The following LAYN variants were observed in gnomAD, a reference collection of about 807,000 sequenced individuals.
The protein encoded by LAYN is layilin.
A neutral mutation model predicts 43.6 loss-of-function variants in LAYN; 38 were observed. The observed-to-expected ratio is 0.87, with a 90% CI of 0.67 to 1.14. LAYN has a LOEUF of 1.14. Ranked by LOEUF, LAYN falls within the 50% of genes most tolerant of loss-of-function variation. The pLI, the probability that LAYN is intolerant of heterozygous loss-of-function variation, is 0.00. For synonymous variants in LAYN, 168 were observed against 172.9 expected (o/e 0.97, Z 0.22); for missense variants, 479 against 463.8 (o/e 1.03, Z -0.30).
Position 111,553,619 on chromosome 11 carries a change from A to AT in LAYN, c.542-941dup, listed in dbSNP as rs1867780536. ...GGGTGACAGAGCAAGACTCTCTCACATAAAAAAAAAAAAAAACAACACTTA... is the reference window on the plus strand; with the variant it reads ...GGGTGACAGAGCAAGACTCTCTCACATTAAAAAAAAAAAAAAACAACACTTA... On this transcript the variant is annotated intron_variant, in intron 3 of 6. Transcript: ENST00000375614. Among the ~76,000 whole-genome samples the AT allele has an allele frequency of 1.7e-5, 2 of 115,050 alleles. 1 individual carries two copies. The highest frequency in any genetic ancestry group is 5.2e-4 in the South Asian group (2 of 3,830). 75.5% of individuals were successfully genotyped at this position (115,050 alleles called of 152,430 possible). A position where few individuals can be genotyped will look rare whatever the true frequency, so the allele number is the denominator to read the frequency against.
chr11:111,546,216 T>G (rs1174230621), intron 2 of LAYN, among the ~76,000 whole-genome samples: 1 of 152,172 alleles, frequency 6.6e-6, no homozygotes, highest in Non-Finnish European at 1.5e-5. Flanking sequence ...GTTGCATATT[T>G]TATGTTCACT....
chr11:111,542,285 C>A (rs1213515050), intron 1 of LAYN, among the ~76,000 whole-genome samples: 1 of 152,198 alleles, frequency 6.6e-6, no homozygotes, highest in Non-Finnish European at 1.5e-5. Flanking sequence ...GCTTTTGAAC[C>A]CTCCTAATGT....
chr11:111,541,630 C>T (rs1315213831), intron 1 of LAYN: 66 of 1,513,718 alleles, frequency 4.4e-5, no homozygotes, highest in Non-Finnish European at 5.4e-5. Flanking sequence ...TTCTGCATGT[C>T]GGGGGGAGAA....
At chr11:111,549,484 T>A in intron 2 of LAYN, 134 bp from the exon 3 acceptor site, 1 of 668,230 alleles carries the variant, frequency 1.5e-6, no homozygotes, top group Non-Finnish European at 2.3e-6. Context: ...CTTCAATTCC[T>A]ACCTCTCTCT....
At chr11:111,559,195 A>G (rs1191619935) in intron 6 of LAYN, among the ~76,000 whole-genome samples, 4 of 152,208 alleles carry the variant, frequency 2.6e-5, no homozygotes, top group Non-Finnish European at 4.4e-5. Flanking sequence ...TGTGATTAGT[A>G]ATACATGTAC....
At chr11:111,545,070 A>ATATG (rs1473989909) in intron 2 of LAYN, among the ~76,000 whole-genome samples, 9 of 149,832 alleles carry the variant, frequency 6.0e-5, no homozygotes, top group Non-Finnish European at 1.3e-4. Context: ...ATATATATAT[A>ATATG]TATATTTTTT....
intron 3 of LAYN, among the ~76,000 whole-genome samples, chr11:111,551,730 A>C (rs993640995): frequency 1.3e-5 from 2 of 152,164 alleles, no homozygotes; most frequent in Non-Finnish European, 2.9e-5. Flanking sequence ...CTTCTCTCCT[A>C]ACAGCTAAGT....
intron 4 of LAYN, 72 bp downstream of exon 4, chr11:111,554,665 A>G (rs1359155405): frequency 1.4e-5 from 19 of 1,330,590 alleles, no homozygotes; most frequent in Admixed American, 3.5e-5. Context: ...TTAAAGCCCT[A>G]TGTCCTTTGG....
At chr11:111,549,803 G>C (rs1867711439) in intron 3 of LAYN, 28 bp downstream of exon 3, 1 of 1,580,978 alleles carries the variant, frequency 6.3e-7, no homozygotes, top group South Asian at 1.2e-5. Context: ...AAGCTATGCG[G>C]CTGAATTCTC....
Position 111,553,753 on chromosome 11 carries a change from CTT to C in LAYN, c.542-807_542-806del, listed in dbSNP as rs1431149153. Among the ~76,000 whole-genome samples, 688 of 149,024 alleles carry C rather than the reference CTT, an allele frequency of 4.6e-3. 9 individuals are homozygous for C. The highest frequency in any genetic ancestry group is 0.016 in the African/African-American group (625 of 39,696). On this transcript the variant is annotated intron_variant, in intron 3 of 6. Transcript: ENST00000375614. ...ACACACACACACACACACACACACACTTATGGGAAGATGACTAAAAGTTTTTG... is the reference window on the plus strand; with the variant it reads ...ACACACACACACACACACACACACACATGGGAAGATGACTAAAAGTTTTTG...
rs1867941196 is a variant in LAYN, at chr11:111,560,680, C to T, written c.*222C>T. ...TCGACCTTATGAGAAGGTACCTTGCCCAGGTCTGGCACATAGTAGAGTCTC... is the reference window on the plus strand; with the variant it reads ...TCGACCTTATGAGAAGGTACCTTGCTCAGGTCTGGCACATAGTAGAGTCTC... On this transcript the variant is annotated 3_prime_UTR_variant, in exon 7 of 7. Transcript: ENST00000375614. 3.7e-6 allele frequency: 2 copies of T among 538,870 alleles called. No individual in the cohort carries two copies. The highest frequency in any genetic ancestry group is 3.3e-6 in the Non-Finnish European group (1 of 303,298). The allele number at this position is 538,870 out of a possible 1,614,324, so 33.4% of individuals were successfully genotyped here.
At chr11:111,542,183 T>C (rs73013180) in intron 1 of LAYN, among the ~76,000 whole-genome samples, 112 of 152,364 alleles carry the variant, frequency 7.4e-4, no homozygotes, top group Non-Finnish European at 1.4e-3. Flanking sequence ...GGAGCCAGCT[T>C]TGAGGAATCG....
chr11:111,541,008 C>T (rs941072650), intron 1 of LAYN, 80 bp downstream of exon 1: 29 of 1,356,182 alleles, frequency 2.1e-5, no homozygotes, highest in Non-Finnish European at 2.7e-5. Context: ...TCTTCTGGGT[C>T]GCCACGTATG....
At chr11:111,557,398 T>TTTG (rs1265622435) in intron 5 of LAYN, 143 bp from the exon 6 acceptor site, 1 of 690,820 alleles carries the variant, frequency 1.4e-6, no homozygotes, top group Non-Finnish European at 2.5e-6. Context: ...TTTCCTTTGT[T>TTTG]TTGTTTTTTA....
chr11:111,553,070 G>A (rs1337728850), intron 3 of LAYN, among the ~76,000 whole-genome samples: 2 of 151,676 alleles, frequency 1.3e-5, no homozygotes, highest in South Asian at 2.1e-4. Context: ...GTGAAACCCC[G>A]TCTCTACTAA....
At chr11:111,553,200 G>A (rs949098877) in intron 3 of LAYN, among the ~76,000 whole-genome samples, 3 of 152,008 alleles carry the variant, frequency 2.0e-5, no homozygotes, top group Admixed American at 2.0e-4. Context: ...CCGAGATCGC[G>A]CCACTGGACT....
Position 111,557,619 on chromosome 11 carries a change from G to GT in LAYN, c.739dup (p.Trp247LeufsTer6), listed in dbSNP as rs773924993. 1.2e-6 allele frequency: 2 copies of GT among 1,614,060 alleles called. No individual in the cohort carries two copies. Among genetic ancestry groups the GT allele is most frequent in the Non-Finnish European group, 1.7e-6 (2 of 1,179,922 alleles). On this transcript the variant is annotated frameshift_variant, in exon 6 of 7. Transcript: ENST00000375614. LOFTEE classifies it high-confidence loss of function. The stretch of plus-strand genomic sequence containing the variant: ...CTCCTTGTGGTCACCACAGTTGTAT[G>GT]TTGGGTTTGGATCTGTAGAAAAAGG...
chr11:111,552,089 T>G (rs899853840), intron 3 of LAYN, among the ~76,000 whole-genome samples: 1 of 151,564 alleles, frequency 6.6e-6, no homozygotes, highest in Non-Finnish European at 1.5e-5. Flanking sequence ...AGAGGAGAGA[T>G]AAGAAAGAGG....
At position 111,560,228 on chromosome 11, in the gene LAYN, C is replaced by G. The variant is rs573383457; in HGVS notation, c.895C>G (p.Arg299Gly). The G allele has an allele frequency of 3.1e-6, 5 of 1,614,074 alleles. No homozygotes were observed. Among genetic ancestry groups the G allele is most frequent in the Admixed American group, 1.7e-5 (1 of 60,002 alleles). Reference sequence around the variant, plus strand: ...AAGCGAAGCTGACTTAGCTGAGACCCGGCCAGACCTGAAGAATATTTCATT... The same window carrying G: ...AAGCGAAGCTGACTTAGCTGAGACCGGGCCAGACCTGAAGAATATTTCATT... ...KQSEADLAETRPDLKNISFRV... is the reference protein window; with the variant it reads ...KQSEADLAETGPDLKNISFRV... Residue 299 changes from arginine to glycine, a missense_variant, in exon 7 of 7, where the codon CGG (arginine) becomes GGG (glycine). Coordinates refer to ENST00000375614, the MANE Select transcript of LAYN (RefSeq NM_178834.5).
Sources: gnomAD v4.1 joint callset for allele counts (sites outside exome capture counted in the v4.1 genomes callset) on GRCh38, gnomAD v4.1.1 for gene constraint, MANE v1.5 for transcripts, NCBI Gene and HGNC (gene_info 2026-07-23, HGNC 2026-07-21) for gene names.